The following OSBPL1A variants were observed in gnomAD, a reference collection of about 807,000 sequenced individuals.
The protein encoded by OSBPL1A is oxysterol binding protein like 1A, also known as oxysterol-binding protein-related protein 1.
Under a neutral mutation model 137.1 loss-of-function variants are expected in OSBPL1A, and 80 were observed. That is an observed-to-expected ratio of 0.58 (90% CI 0.49 to 0.70). The LOEUF (loss-of-function observed/expected upper bound fraction) is 0.70, where lower values mean the gene tolerates loss of function less well. Among genes scored for constraint, OSBPL1A ranks in the 30% least tolerant of loss-of-function variants. OSBPL1A has a pLI of 0.00. For missense variants in OSBPL1A, 970 were observed against 1,129.4 expected (o/e 0.86, Z 2.02); for synonymous variants, 365 against 389.7 (o/e 0.94, Z 0.75).
intron 4 of OSBPL1A, among the ~76,000 whole-genome samples, chr18:24,359,540 A>T (rs1441347605): frequency 1.3e-5 from 2 of 151,380 alleles, no homozygotes; most frequent in Non-Finnish European, 3.0e-5. Context: ...AAAGATTTTT[A>T]AAAATTAGCC....
intron 19 of OSBPL1A, among the ~76,000 whole-genome samples, chr18:24,180,291 G>T (rs193115425): frequency 1.6e-4 from 24 of 152,288 alleles, no homozygotes; most frequent in Non-Finnish European, 3.2e-4. Context: ...TTGCTTTGTT[G>T]AAGGAGAACA....
intron 7 of OSBPL1A, among the ~76,000 whole-genome samples, chr18:24,324,979 G>A (rs183079458): frequency 2.0e-5 from 3 of 150,484 alleles, no homozygotes; most frequent in Admixed American, 6.7e-5. Flanking sequence ...CCAGCCACGC[G>A]GGAGGCTGAG....
At chr18:24,360,961 G>A (rs548725316) in intron 4 of OSBPL1A, among the ~76,000 whole-genome samples, 2 of 152,300 alleles carry the variant, frequency 1.3e-5, no homozygotes, top group Admixed American at 1.3e-4. Context: ...GTTTCTAAAT[G>A]TATGAATAGC....
chr18:24,342,769 T>C (rs192964536), intron 4 of OSBPL1A, among the ~76,000 whole-genome samples: 2 of 152,288 alleles, frequency 1.3e-5, no homozygotes, highest in East Asian at 3.9e-4. Flanking sequence ...AAATTTGAGT[T>C]TTCGTAACAT....
intron 5 of OSBPL1A, among the ~76,000 whole-genome samples, chr18:24,340,762 T>G (rs948432474): frequency 6.6e-6 from 1 of 151,906 alleles, no homozygotes; most frequent in Non-Finnish European, 1.5e-5. Context: ...GCCAAGATCA[T>G]GCCACTGCAC....
At chr18:24,178,949 TAC>T (rs1206405282) in intron 20 of OSBPL1A, 2 of 152,214 alleles carry the variant, frequency 1.3e-5, no homozygotes, top group African/African-American at 4.8e-5. Context: ...GAACTGCACT[TAC>T]AGATGCAGTC....
intron 2 of OSBPL1A, among the ~76,000 whole-genome samples, chr18:24,376,024 G>A (rs1338549914): frequency 6.6e-6 from 1 of 152,188 alleles, no homozygotes; most frequent in Non-Finnish European, 1.5e-5. Flanking sequence ...GAGTGTTACA[G>A]CTCATAAAAG....
At chr18:24,395,615 AT>A (rs75531106) in intron 1 of OSBPL1A, among the ~76,000 whole-genome samples, 150,228 of 150,498 alleles carry the variant, frequency 1, 74,980 homozygotes, top group Admixed American at 1. Flanking sequence ...GATGGGGAGA[AT>A]TTTTTTTTTT....
At chr18:24,235,513 T>C (rs1424637769) in intron 16 of OSBPL1A, among the ~76,000 whole-genome samples, 1 of 152,128 alleles carries the variant, frequency 6.6e-6, no homozygotes, top group East Asian at 1.9e-4. Context: ...GAATTCAAGA[T>C]ATGATTTGAA....
chr18:24,311,499 A>C lies in OSBPL1A; in HGVS notation c.1092+485T>G, dbSNP rs146874660. 1.0e-4 allele frequency: 103 copies of C among 986,714 alleles called. 1 individual carries two copies. In the East Asian group the frequency reaches 0.01, roughly 98 times the overall value. 61.1% of individuals were successfully genotyped at this position (986,714 alleles called of 1,614,324 possible). A position where few individuals can be genotyped will look rare whatever the true frequency, so the allele number is the denominator to read the frequency against. On this transcript the variant is annotated intron_variant, in intron 13 of 27. Coordinates refer to ENST00000319481, the MANE Select transcript of OSBPL1A (RefSeq NM_080597.4). Reference sequence around the variant, plus strand: ...GGATAAGGCACTGGTGTCACTTCAGAAGACTTCTCCATTCATTAATGATGC... The same window carrying C: ...GGATAAGGCACTGGTGTCACTTCAGCAGACTTCTCCATTCATTAATGATGC...
chr18:24,239,095 A>G, intron 16 of OSBPL1A, 125 bp downstream of exon 16: 2 of 1,130,772 alleles, frequency 1.8e-6, no homozygotes, highest in Non-Finnish European at 2.5e-6. Context: ...ATACATCGCT[A>G]TCTGTTTATT....
chr18:24,317,480 G>T, intron 9 of OSBPL1A, 80 bp from the exon 10 acceptor site: 1 of 1,111,030 alleles, frequency 9.0e-7, no homozygotes, highest in Non-Finnish European at 1.4e-6. Flanking sequence ...AATTAAGTGA[G>T]GACAGTCATA....
At chr18:24,330,002 C>T (rs1400613992) in intron 7 of OSBPL1A, among the ~76,000 whole-genome samples, 7 of 152,128 alleles carry the variant, frequency 4.6e-5, no homozygotes, top group African/African-American at 1.7e-4. Flanking sequence ...TTATGTGGAT[C>T]CACGACGGTA....
chr18:24,294,279 T>G (rs1420253661), intron 14 of OSBPL1A, among the ~76,000 whole-genome samples: 5 of 151,918 alleles, frequency 3.3e-5, no homozygotes, highest in African/African-American at 1.2e-4. Context: ...TTGCCCAGGC[T>G]GGAGTGCAGT....
rs1279530309 is a variant in OSBPL1A, at chr18:24,312,003, T to A, written c.1073A>T (p.Asp358Val). ...ATTTACCTCTAATGATTTCTTCAGG[T>A]CTGCAGCAGAAACCGTATCTTCCTC... ...EEEEDTVSAA[D>V]LKKSLEKAQS... is the part of the protein sequence containing the mutation. Residue 358 changes from aspartate (D) to valine (V), a missense_variant, in exon 13 of 28, where the codon GAC becomes GTC. This residue lies in a region of OSBPL1A where 647 missense variants were observed against 672.6 expected (regional missense o/e 0.96). Coordinates refer to ENST00000319481, the MANE Select transcript of OSBPL1A (RefSeq NM_080597.4). The A allele has an allele frequency of 6.2e-7, 1 of 1,614,066 alleles. No homozygotes were observed. The highest frequency in any genetic ancestry group is 8.5e-7 in the Non-Finnish European group (1 of 1,179,946).
intron 6 of OSBPL1A, 73 bp downstream of exon 6, chr18:24,334,166 CTTAACA>C: frequency 8.5e-7 from 1 of 1,170,468 alleles, no homozygotes; most frequent in Non-Finnish European, 1.2e-6. Flanking sequence ...AAATTATTTA[CTTAACA>C]TTAAGTAAAA....
At chr18:24,193,485 CT>C (rs1189075970) in intron 18 of OSBPL1A, among the ~76,000 whole-genome samples, 1 of 130,074 alleles carries the variant, frequency 7.7e-6, no homozygotes, top group African/African-American at 3.2e-5. Context: ...GAGACTCCGA[CT>C]CAAAAAAAAA....
chr18:24,244,362 TTTATAATTATTAGA>T (rs2088818555), intron 15 of OSBPL1A, among the ~76,000 whole-genome samples: 2 of 152,328 alleles, frequency 1.3e-5, no homozygotes, highest in South Asian at 4.1e-4. Flanking sequence ...AACAGATATG[TTTATAATTATTAGA>T]TTATAATTGT....
chr18:24,330,460 CAAAGT>C (rs1273676621), intron 7 of OSBPL1A, among the ~76,000 whole-genome samples: 1 of 150,786 alleles, frequency 6.6e-6, no homozygotes, highest in East Asian at 1.9e-4. Context: ...AATGAAGGTA[CAAAGT>C]AAAGTATTTA....
Sources: allele counts gnomAD v4.1 joint callset (sites outside exome capture counted in the v4.1 genomes callset), GRCh38; gene constraint gnomAD v4.1.1; regional missense constraint gnomAD v4.1.1; transcripts MANE v1.5; gene names NCBI Gene and HGNC (gene_info 2026-07-23, HGNC 2026-07-21).